The following DNAH14 variants were observed in gnomAD, a reference collection of about 807,000 sequenced individuals.
DNAH14 encodes the protein dynein axonemal heavy chain 14, also known as axonemal beta dynein heavy chain 14.
DNAH14 carries 478 observed loss-of-function variants against 520.9 expected under a neutral mutation model. The ratio of observed to expected loss-of-function variants is 0.92; its 90% CI spans 0.85 to 0.99. The LOEUF (loss-of-function observed/expected upper bound fraction) is 0.99, where lower values mean the gene tolerates loss of function less well. DNAH14 is among the 50% of genes least tolerant of loss of function. DNAH14 has a pLI of 0.00. For missense variants in DNAH14, 4,831 were observed against 5,234.5 expected, an observed-to-expected ratio of 0.92 and a Z score of 2.38; for synonymous variants, 1,581 against 1,757.2, an observed-to-expected ratio of 0.90 and a Z score of 2.51.
chr1:225,044,055 T>C (rs1016662945), intron 15 of DNAH14, 72 bp downstream of exon 15: 15 of 862,964 alleles, frequency 1.7e-5, no homozygotes, highest in Non-Finnish European at 1.8e-5. Context: ...AAGCATCTGA[T>C]GCCTTTACCC....
At chr1:225,233,360 C>T (rs1485838258) in intron 42 of DNAH14, among the ~76,000 whole-genome samples, 1 of 152,204 alleles carries the variant, frequency 6.6e-6, no homozygotes, top group African/African-American at 2.4e-5. Flanking sequence ...ATTTCTGCCT[C>T]TAGGTCTTTG....
At chr1:225,104,167 G>A (rs1005626089) in intron 23 of DNAH14, among the ~76,000 whole-genome samples, 1 of 151,888 alleles carries the variant, frequency 6.6e-6, no homozygotes, top group African/African-American at 2.4e-5. Flanking sequence ...TTGTCGTTCT[G>A]TTTATATGCT....
At chr1:225,322,955 G>A in intron 62 of DNAH14, 132 bp downstream of exon 62, 1 of 998,492 alleles carries the variant, frequency 1.0e-6, no homozygotes, top group East Asian at 2.7e-5. Context: ...TATTCTTCCA[G>A]GCAAGAGAGG....
chr1:225,198,221 A>ATT (rs35210664), intron 38 of DNAH14, among the ~76,000 whole-genome samples: 3 of 144,798 alleles, frequency 2.1e-5, no homozygotes. Context: ...TTGTATGCCA[A>ATT]TTTTTTTTTT....
rs187967219 is a variant in DNAH14, at chr1:225,378,286, A to G, written c.12716+850A>G. ...TCTGTGGGACTTAATCCAAACATCT[A>G]TCATATTCAATGTAATTTCCTTAGT... On this transcript the variant is annotated intron_variant, in intron 79 of 85. Coordinates refer to ENST00000682510, the MANE Select transcript of DNAH14 (RefSeq NM_001367479.1). Among the ~76,000 whole-genome samples, 57 of 152,188 alleles carry G rather than the reference A, an allele frequency of 3.7e-4. 1 individual carries two copies. The East Asian group carries it at 0.01, about 28-fold the overall frequency.
At chr1:225,217,838 C>A (rs1391524122) in intron 41 of DNAH14, among the ~76,000 whole-genome samples, 1 of 152,142 alleles carries the variant, frequency 6.6e-6, no homozygotes, top group Non-Finnish European at 1.5e-5. Flanking sequence ...TTCCCTGATC[C>A]CTTGGGCTTC....
chr1:225,049,523 C>G (rs552003150), intron 15 of DNAH14, among the ~76,000 whole-genome samples: 1 of 152,112 alleles, frequency 6.6e-6, no homozygotes, highest in Non-Finnish European at 1.5e-5. Flanking sequence ...TCTTTCACAG[C>G]GCTAAACTAC....
At chr1:225,369,487 T>C (rs1426521253) in intron 77 of DNAH14, among the ~76,000 whole-genome samples, 2 of 151,866 alleles carry the variant, frequency 1.3e-5, no homozygotes, top group Non-Finnish European at 2.9e-5. Flanking sequence ...AGCATATATA[T>C]ATATATATAT....
At chr1:224,945,225 C>T (rs1033278546) in intron 1 of DNAH14, among the ~76,000 whole-genome samples, 4 of 152,020 alleles carry the variant, frequency 2.6e-5, no homozygotes, top group African/African-American at 4.8e-5. Flanking sequence ...CTTCTCTTCT[C>T]GCTTCATTTC....
At chr1:225,254,615 GT>G (rs1198586781) in intron 44 of DNAH14, among the ~76,000 whole-genome samples, 3 of 152,162 alleles carry the variant, frequency 2.0e-5, no homozygotes, top group African/African-American at 7.2e-5. Context: ...AAGTTAACTA[GT>G]TTTTAAGCAA....
intron 10 of DNAH14, among the ~76,000 whole-genome samples, chr1:225,018,198 C>T (rs1443323135): frequency 1.3e-5 from 2 of 152,154 alleles, no homozygotes; most frequent in Non-Finnish European, 2.9e-5. Flanking sequence ...ACAACCTAAC[C>T]ATTTTAAGAA....
intron 38 of DNAH14, among the ~76,000 whole-genome samples, chr1:225,193,211 A>G (rs1485135467): frequency 6.6e-6 from 1 of 152,160 alleles, no homozygotes; most frequent in Non-Finnish European, 1.5e-5. Context: ...CCACCAAAAT[A>G]CCTTGCAAAT....
At position 225,335,477 on chromosome 1, in the gene DNAH14, ATG is replaced by A. The variant is rs1558430228; in HGVS notation, c.10081-1788_10081-1787del. Among the ~76,000 whole-genome samples the A allele has an allele frequency of 4.0e-3, 575 of 144,282 alleles. 33 individuals are homozygous for A. Among genetic ancestry groups the A allele is most frequent in the Non-Finnish European group, 5.4e-3 (354 of 65,738 alleles). 94.7% of individuals were successfully genotyped at this position (144,282 alleles called of 152,430 possible). On this transcript the variant is annotated intron_variant, in intron 66 of 85. Transcript: ENST00000682510. ...TATGCACGTGTGTACATGTGTGTGT[ATG>A]CACATATACACGTGTGTACATGTAC...
chr1:225,313,024 C>T (rs1187423289), intron 60 of DNAH14, among the ~76,000 whole-genome samples: 1 of 152,180 alleles, frequency 6.6e-6, no homozygotes, highest in Admixed American at 6.5e-5. Flanking sequence ...ATGGTACCAG[C>T]TCCTGTTTGT....
intron 17 of DNAH14, among the ~76,000 whole-genome samples, chr1:225,058,365 T>C (rs1042737216): frequency 1.3e-5 from 2 of 152,192 alleles, no homozygotes; most frequent in African/African-American, 4.8e-5. Flanking sequence ...TTCTGTGGGA[T>C]TGGTGGTGAT....
At position 225,043,984 on chromosome 1, in the gene DNAH14, G is replaced by C; in HGVS notation, c.1912+1G>C. 6.8e-7 allele frequency: 1 copy of C among 1,463,858 alleles called. No homozygotes were observed. Among genetic ancestry groups the C allele is most frequent in the Non-Finnish European group, 9.2e-7 (1 of 1,082,504 alleles). 90.7% of individuals were successfully genotyped at this position (1,463,858 alleles called of 1,614,324 possible). ...TTGACTAATATGGAAAAATGTATAA[G>C]TAAGTGTTTTTAAAGCTTAGTGAAA... On this transcript the variant is annotated splice_donor_variant, in intron 15 of 85. Transcript: ENST00000682510. LOFTEE classifies it high-confidence loss of function.
chr1:224,948,348 C>A (rs1279680548), intron 1 of DNAH14, among the ~76,000 whole-genome samples: 1 of 151,362 alleles, frequency 6.6e-6, no homozygotes, highest in Non-Finnish European at 1.5e-5. Context: ...TCTAGTGACT[C>A]TTTCTGCTTG....
intron 15 of DNAH14, among the ~76,000 whole-genome samples, chr1:225,046,471 T>C (rs1047827666): frequency 6.6e-6 from 1 of 152,182 alleles, no homozygotes; most frequent in African/African-American, 2.4e-5. Flanking sequence ...GAGATTTATC[T>C]GGCGTATGTT....
At chr1:224,976,989 T>C (rs999361699) in intron 8 of DNAH14, among the ~76,000 whole-genome samples, 2 of 151,074 alleles carry the variant, frequency 1.3e-5, no homozygotes, top group Non-Finnish European at 3.0e-5. Context: ...CATTACTGGG[T>C]ATATACCCAA....
Sources: gnomAD v4.1 joint callset for allele counts (sites outside exome capture counted in the v4.1 genomes callset) on GRCh38, gnomAD v4.1.1 for gene constraint, MANE v1.5 for transcripts, NCBI Gene and HGNC (gene_info 2026-07-23, HGNC 2026-07-21) for gene names.